VIPR2: variants seen among roughly 807,000 people sequenced by gnomAD.
VIPR2 encodes the protein vasoactive intestinal polypeptide receptor 2.
In VIPR2, 48 loss-of-function variants were observed where a neutral mutation model predicts 58.0. The observed-to-expected ratio is 0.83, with a 90% CI of 0.66 to 1.05. VIPR2 has a LOEUF of 1.05. Ranked by LOEUF, VIPR2 falls within the 50% of genes least tolerant of loss-of-function variation. The pLI, the probability that VIPR2 is intolerant of heterozygous loss-of-function variation, is 0.00. For synonymous variants in VIPR2, 243 were observed against 235.2 expected (o/e 1.03, Z -0.30); for missense variants, 534 against 558.0 (o/e 0.96, Z 0.43).
In VIPR2 at chr7:159,142,822, A is replaced by C. The variant is rs113284776; in HGVS notation, c.52-277T>G. On this transcript the variant is annotated intron_variant, in intron 1 of 12. Transcript: ENST00000262178. ...ACAGAATACATCGGTACTAATTTGGAGGCAACAGAGCTCTTTACTCCATTC... is the reference window on the plus strand; with the variant it reads ...ACAGAATACATCGGTACTAATTTGGCGGCAACAGAGCTCTTTACTCCATTC... 2.9e-3 allele frequency among the ~76,000 whole-genome samples: 446 copies of C among 152,278 alleles called. 5 individuals are homozygous for C. Among genetic ancestry groups the C allele is most frequent in the African/African-American group, 9.7e-3 (404 of 41,566 alleles).
At chr7:159,058,930 C>T (rs1411479043) in intron 4 of VIPR2, among the ~76,000 whole-genome samples, 1 of 152,192 alleles carries the variant, frequency 6.6e-6, no homozygotes. Flanking sequence ...GCAGCACATC[C>T]AGCTTTCTGA....
chr7:159,060,178 C>T (rs574453380), intron 4 of VIPR2, among the ~76,000 whole-genome samples: 41 of 151,454 alleles, frequency 2.7e-4, no homozygotes, highest in African/African-American at 9.5e-4. Flanking sequence ...CACCTAACCA[C>T]TAACTTCACC....
intron 2 of VIPR2, among the ~76,000 whole-genome samples, chr7:159,137,223 C>T (rs1216396737): frequency 2.0e-5 from 3 of 152,296 alleles, no homozygotes; most frequent in Middle Eastern, 3.4e-3. Flanking sequence ...CAGGAGAAGC[C>T]ATTAGTGCAC....
intron 4 of VIPR2, among the ~76,000 whole-genome samples, chr7:159,066,806 T>G (rs1298443991): frequency 6.6e-6 from 1 of 152,250 alleles, no homozygotes; most frequent in Non-Finnish European, 1.5e-5. Context: ...GCAAGAAAAC[T>G]AAATTTGTTA....
intron 5 of VIPR2, among the ~76,000 whole-genome samples, chr7:159,048,559 TG>T (rs1339434539): frequency 4.6e-5 from 7 of 152,380 alleles, no homozygotes; most frequent in Non-Finnish European, 8.8e-5. Flanking sequence ...AGACTTACTC[TG>T]AACACAAGAA....
chr7:159,065,330 G>C (rs1387174921), intron 4 of VIPR2, among the ~76,000 whole-genome samples: 1 of 152,126 alleles, frequency 6.6e-6, no homozygotes, highest in Non-Finnish European at 1.5e-5. Context: ...GCAGGAGACG[G>C]GGGCAGGAGG....
At chr7:159,109,715 T>C in intron 3 of VIPR2, 97 bp downstream of exon 3, 1 of 1,169,216 alleles carries the variant, frequency 8.6e-7, no homozygotes, top group Non-Finnish European at 1.3e-6. Context: ...AGGAGATGCC[T>C]GAAGGAAAGT....
intron 5 of VIPR2, among the ~76,000 whole-genome samples, chr7:159,046,963 G>A (rs545764276): frequency 2.6e-4 from 40 of 152,272 alleles, no homozygotes; most frequent in Non-Finnish European, 4.4e-4. Flanking sequence ...GGCCGGGCGC[G>A]GTGGCTCATG....
At chr7:159,122,517 G>C (rs1180416402) in intron 2 of VIPR2, among the ~76,000 whole-genome samples, 1 of 152,196 alleles carries the variant, frequency 6.6e-6, no homozygotes, top group Non-Finnish European at 1.5e-5. Flanking sequence ...AAAGGAGAGT[G>C]AACGCTCTCA....
chr7:159,060,317 A>AC (rs1462230484), intron 4 of VIPR2, among the ~76,000 whole-genome samples: 1 of 147,878 alleles, frequency 6.8e-6, no homozygotes, highest in East Asian at 2.1e-4. Flanking sequence ...CCCATACTTC[A>AC]CCTAACCATG....
intron 5 of VIPR2, among the ~76,000 whole-genome samples, chr7:159,055,479 T>C (rs1280009010): frequency 6.6e-6 from 1 of 152,152 alleles, no homozygotes; most frequent in Non-Finnish European, 1.5e-5. Flanking sequence ...ATTGTAAATA[T>C]GCTCTGAATT....
intron 2 of VIPR2, among the ~76,000 whole-genome samples, chr7:159,120,429 G>GC (rs11376203): frequency 1 from 152,230 of 152,230 alleles, 76,115 homozygotes; most frequent in Non-Finnish European, 1. Flanking sequence ...GACAGAGGGG[G>GC]CACCACCAAG....
Position 159,098,414 on chromosome 7 carries a change from T to C in VIPR2, c.357+5343A>G, listed in dbSNP as rs1857996051. On this transcript the variant is annotated intron_variant, in intron 4 of 12. Transcript: ENST00000262178. This position sits in a 1 kb window ranked among gnomAD's most constrained non-coding sequence, Gnocchi z 5.2. The stretch of plus-strand genomic sequence containing the variant: ...TGAAACCCTTTACTCAGTGAAGACC[T>C]AAGACTCCCCCAGGCCTGAAAGCTG... Among the ~76,000 whole-genome samples, 1 of 152,108 alleles carries C rather than the reference T, an allele frequency of 6.6e-6. No homozygotes were observed. The highest frequency in any genetic ancestry group is 3.2e-3 in the Middle Eastern group (1 of 316).
chr7:159,119,772 G>A (rs980910798), intron 2 of VIPR2, among the ~76,000 whole-genome samples: 3 of 152,148 alleles, frequency 2.0e-5, no homozygotes, highest in Admixed American at 6.5e-5. Context: ...CCTGGGAAGT[G>A]CAGCCTTGCA....
At chr7:159,082,085 T>C (rs1341934998) in intron 4 of VIPR2, among the ~76,000 whole-genome samples, 1 of 152,188 alleles carries the variant, frequency 6.6e-6, no homozygotes, top group Non-Finnish European at 1.5e-5. Flanking sequence ...CAACTAGAAA[T>C]ACCATTTGAC....
chr7:159,114,963 G>T (rs1439597947), intron 2 of VIPR2, among the ~76,000 whole-genome samples: 1 of 152,310 alleles, frequency 6.6e-6, no homozygotes, highest in Admixed American at 6.5e-5. Context: ...TCAACAATGT[G>T]TCATAAGTTG....
intron 5 of VIPR2, among the ~76,000 whole-genome samples, chr7:159,043,926 G>A (rs1189954369): frequency 6.6e-6 from 1 of 152,200 alleles, no homozygotes; most frequent in Non-Finnish European, 1.5e-5. Flanking sequence ...TGAGAATCTT[G>A]GAGAATAAGG....
intron 2 of VIPR2, among the ~76,000 whole-genome samples, chr7:159,139,943 C>T (rs1223523061): frequency 6.6e-6 from 1 of 152,240 alleles, no homozygotes; most frequent in Non-Finnish European, 1.5e-5. Flanking sequence ...CACATATCGG[C>T]AAGAGAAAGC....
intron 3 of VIPR2, among the ~76,000 whole-genome samples, chr7:159,106,911 A>G (rs1324068957): frequency 2.3e-4 from 22 of 95,792 alleles, no homozygotes; most frequent in African/African-American, 5.3e-4. Context: ...GAGGTGCAGA[A>G]AGAGGCCAGG....
Sources: allele counts gnomAD v4.1 joint callset (sites outside exome capture counted in the v4.1 genomes callset), GRCh38; gene constraint gnomAD v4.1.1; non-coding constraint Gnocchi (gnomAD v3.1); transcripts MANE v1.5; gene names NCBI Gene and HGNC (gene_info 2026-07-23, HGNC 2026-07-21).